The following LINGO1 variants were observed in gnomAD, a reference collection of about 807,000 sequenced individuals.
The protein encoded by LINGO1 is leucine rich repeat and Ig domain containing 1.
LINGO1 carries 11 observed loss-of-function variants against 37.3 expected under a neutral mutation model. The ratio of observed to expected loss-of-function variants is 0.29; its 90% confidence interval spans 0.19 to 0.49. The LOEUF (loss-of-function observed/expected upper bound fraction) is 0.49, where lower values mean the gene tolerates loss of function less well. Among genes scored for constraint, LINGO1 ranks in the 20% least tolerant of loss-of-function variants. The pLI is 0.99. For missense variants in LINGO1, 585 were observed against 878.2 expected (o/e 0.67, Z 4.22); for synonymous variants, 387 against 403.0 (o/e 0.96, Z 0.48).
intron 1 of LINGO1, among the ~76,000 whole-genome samples, chr15:77,803,028 AC>A (rs1306693305): frequency 8.6e-5 from 13 of 151,908 alleles, no homozygotes. Context: ...GAGCCTCCAA[AC>A]CTTTGCACCT....
At chr15:77,712,738 T>C (rs568197283) in intron 2 of LINGO1, among the ~76,000 whole-genome samples, 1 of 152,118 alleles carries the variant, frequency 6.6e-6, no homozygotes, top group Non-Finnish European at 1.5e-5. Flanking sequence ...CCAGCAAATA[T>C]GAACCCCAGT....
intron 2 of LINGO1, among the ~76,000 whole-genome samples, chr15:77,689,381 C>A (rs750715054): frequency 2.6e-4 from 39 of 152,198 alleles, no homozygotes; most frequent in Admixed American, 7.9e-4. Flanking sequence ...CGCCTCCCTG[C>A]GCTAAAGGGT....
At chr15:77,643,886 T>C (rs1339010670) in intron 3 of LINGO1, among the ~76,000 whole-genome samples, 1 of 152,114 alleles carries the variant, frequency 6.6e-6, no homozygotes, top group South Asian at 2.1e-4. Context: ...GGGGGTGCAA[T>C]GGCTCAAGGA....
At chr15:77,639,814 A>C (rs184936022) in intron 3 of LINGO1, among the ~76,000 whole-genome samples, 2 of 152,366 alleles carry the variant, frequency 1.3e-5, no homozygotes, top group East Asian at 3.9e-4. Context: ...TAAAACACGC[A>C]GGACAGTGAT....
chr15:77,801,693 C>T (rs1321687551), intron 1 of LINGO1, among the ~76,000 whole-genome samples: 6 of 152,060 alleles, frequency 3.9e-5, no homozygotes, highest in Admixed American at 3.9e-4. Flanking sequence ...ATCCATTCAG[C>T]CCCATCCAGT....
chr15:77,642,239 G>A (rs929484245), intron 3 of LINGO1, among the ~76,000 whole-genome samples: 2 of 152,184 alleles, frequency 1.3e-5, no homozygotes, highest in Admixed American at 6.5e-5. Context: ...AGACAGCTGC[G>A]GAGGGGGAAG....
At chr15:77,726,791 C>A (rs565899959) in intron 2 of LINGO1, among the ~76,000 whole-genome samples, 303 of 152,348 alleles carry the variant, frequency 2.0e-3, no homozygotes, top group African/African-American at 7.1e-3. Context: ...AGGAAGCAAT[C>A]AACAGAGTGG....
intron 1 of LINGO1, chr15:77,820,112 C>T (rs1052399526): frequency 6.6e-6 from 1 of 151,768 alleles, no homozygotes; most frequent in African/African-American, 2.4e-5. Flanking sequence ...CGAGGGGACC[C>T]GCCACGCCCG....
intron 1 of LINGO1, among the ~76,000 whole-genome samples, chr15:77,804,993 T>C (rs1483711988): frequency 6.6e-6 from 1 of 152,100 alleles, no homozygotes; most frequent in Non-Finnish European, 1.5e-5. Context: ...CCCCAACTGC[T>C]CCTGACCCCT....
At chr15:77,687,571 C>T (rs141323058) in intron 2 of LINGO1, among the ~76,000 whole-genome samples, 136 of 152,318 alleles carry the variant, frequency 8.9e-4, no homozygotes, top group African/African-American at 3.0e-3. Flanking sequence ...AGAAGTGGCT[C>T]GAGCAGGGAA....
At chr15:77,720,266 G>A (rs1170868005) in intron 2 of LINGO1, among the ~76,000 whole-genome samples, 2 of 152,330 alleles carry the variant, frequency 1.3e-5, no homozygotes, top group Non-Finnish European at 2.9e-5. Context: ...ACAGCAATTA[G>A]AGGAGTAAAC....
At chr15:77,650,885 G>C (rs1372222325) in intron 3 of LINGO1, among the ~76,000 whole-genome samples, 4 of 152,096 alleles carry the variant, frequency 2.6e-5, no homozygotes, top group Admixed American at 6.5e-5. Flanking sequence ...CTGGAGGACA[G>C]GGCACTGTGT....
At chr15:77,626,983 C>T (rs1237996361) in intron 1 of LINGO1, among the ~76,000 whole-genome samples, 6 of 130,742 alleles carry the variant, frequency 4.6e-5, no homozygotes, top group African/African-American at 2.2e-4. Context: ...CGCAGCCCTG[C>T]ACTGGGCTAG....
chr15:77,751,924 G>A (rs553869307), intron 1 of LINGO1, among the ~76,000 whole-genome samples: 1 of 152,266 alleles, frequency 6.6e-6, no homozygotes, highest in East Asian at 1.9e-4. Flanking sequence ...TGTGTGCCAG[G>A]TGCTTTGTTC....
At chr15:77,705,990 GC>G (rs1219002295) in intron 2 of LINGO1, among the ~76,000 whole-genome samples, 1 of 152,208 alleles carries the variant, frequency 6.6e-6, no homozygotes, top group African/African-American at 2.4e-5. Context: ...TTGGAGTGCT[GC>G]CAGCTGTGTG....
intron 3 of LINGO1, among the ~76,000 whole-genome samples, chr15:77,668,571 G>C (rs184158952): frequency 1.3e-5 from 2 of 152,258 alleles, no homozygotes; most frequent in African/African-American, 4.8e-5. Flanking sequence ...AGACAACCTG[G>C]ACTGTCAGAG....
At chr15:77,680,410 G>C (rs538284686) in intron 2 of LINGO1, among the ~76,000 whole-genome samples, 28 of 152,302 alleles carry the variant, frequency 1.8e-4, no homozygotes, top group Middle Eastern at 3.4e-3. Flanking sequence ...TCACCTTGCT[G>C]CATATGTTGT....
intron 3 of LINGO1, among the ~76,000 whole-genome samples, chr15:77,664,170 T>TGTGTGTGTGTGTGTGTGTGCGCGCGCGC: frequency 2.4e-4 from 31 of 131,004 alleles, no homozygotes; most frequent in African/African-American, 1.1e-3. Context: ...TGTGTGTGTG[T>TGTGTGTGTGTGTGTGTGTGCGCGCGCGC]GCGCGCGCGC....
At chr15:77,775,058 G>C (rs903262164) in intron 1 of LINGO1, among the ~76,000 whole-genome samples, 2 of 152,228 alleles carry the variant, frequency 1.3e-5, no homozygotes, top group African/African-American at 2.4e-5. Context: ...GGGTGGCAGA[G>C]CCACAGGCCT....
Sources: gnomAD v4.1 joint callset for allele counts (sites outside exome capture counted in the v4.1 genomes callset) on GRCh38, gnomAD v4.1.1 for gene constraint, MANE v1.5 for transcripts, NCBI Gene and HGNC (gene_info 2026-07-23, HGNC 2026-07-21) for gene names.